Variants in DNAH6 observed in about 807,000 individuals in gnomAD.
DNAH6 encodes the protein dynein axonemal heavy chain 6.
DNAH6 carries 340 observed loss-of-function variants against 491.4 expected under a neutral mutation model. The ratio of observed to expected loss-of-function variants is 0.69; its 90% confidence interval spans 0.63 to 0.76. DNAH6 has a LOEUF of 0.76. Ranked by LOEUF, DNAH6 falls within the 30% of genes least tolerant of loss-of-function variation. The pLI is 0.00. For missense variants in DNAH6, 4,443 were observed against 4,972.2 expected, an observed-to-expected ratio of 0.89 and a Z score of 3.20; for synonymous variants, 1,603 against 1,686.1, an observed-to-expected ratio of 0.95 and a Z score of 1.21.
intron 41 of DNAH6, among the ~76,000 whole-genome samples, chr2:84,679,581 AC>A (rs1319236041): frequency 1.3e-5 from 2 of 152,258 alleles, no homozygotes; most frequent in East Asian, 3.9e-4. Context: ...AAACTAAGAA[AC>A]CTGGCTGCAT....
At chr2:84,683,346 A>C (rs1693970812) in intron 42 of DNAH6, among the ~76,000 whole-genome samples, 1 of 149,064 alleles carries the variant, frequency 6.7e-6, no homozygotes, top group Non-Finnish European at 1.5e-5. Flanking sequence ...ACTAACTCTT[A>C]GTTGCTCCAT....
At chr2:84,479,724 T>C in the DNAH6 span, among the ~76,000 whole-genome samples, 1 of 152,194 alleles carries the variant, frequency 6.6e-6, no homozygotes, top group Non-Finnish European at 1.5e-5. Context: ...CTGGGGCCTA[T>C]GGAGAAGAAA....
At chr2:84,682,000 T>TA (rs5832619) in intron 42 of DNAH6, among the ~76,000 whole-genome samples, 3 of 151,880 alleles carry the variant, frequency 2.0e-5, no homozygotes, top group African/African-American at 7.3e-5. Flanking sequence ...CCTCCCATCT[T>TA]AAAAAAAAAT....
intron 40 of DNAH6, among the ~76,000 whole-genome samples, chr2:84,676,469 G>A (rs1278040705): frequency 5.9e-5 from 9 of 152,216 alleles, no homozygotes; most frequent in African/African-American, 2.2e-4. Context: ...TAATAGTGCT[G>A]TGGTCCATGA....
chr2:84,672,532 A>G lies in DNAH6; in HGVS notation c.6612+48A>G, dbSNP rs1187836240. On this transcript the variant is annotated intron_variant, in intron 40 of 76. Transcript: ENST00000389394. Reference sequence around the variant, plus strand: ...TTGGTGTGCTTAAATTTAAATGACAAGGAAATATGATGTATAGTTTGTGAG... The same window carrying G: ...TTGGTGTGCTTAAATTTAAATGACAGGGAAATATGATGTATAGTTTGTGAG... 18 of 1,497,462 alleles carry G rather than the reference A, an allele frequency of 1.2e-5. No individual in the cohort carries two copies. In the Admixed American group the frequency reaches 3.7e-4, roughly 31 times the overall value. The allele number at this position is 1,497,462 out of a possible 1,614,324, so 92.8% of individuals were successfully genotyped here. A position where few individuals can be genotyped will look rare whatever the true frequency, so the allele number is the denominator to read the frequency against.
At chr2:84,655,962 C>T (rs998375984) in intron 35 of DNAH6, among the ~76,000 whole-genome samples, 1 of 152,112 alleles carries the variant, frequency 6.6e-6, no homozygotes. Flanking sequence ...TTCATCCCTA[C>T]TCCCCATCCT....
intron 64 of DNAH6, among the ~76,000 whole-genome samples, chr2:84,779,238 T>C (rs1676445661): frequency 1.3e-5 from 2 of 152,266 alleles, no homozygotes; most frequent in Non-Finnish European, 2.9e-5. Flanking sequence ...GTCAGTGGGA[T>C]CTTGAAGTAC....
At chr2:84,535,863 GGAA>G (rs1677643251) in intron 4 of DNAH6, among the ~76,000 whole-genome samples, 2 of 151,978 alleles carry the variant, frequency 1.3e-5, no homozygotes, top group South Asian at 4.1e-4. Context: ...TGAAATGTCT[GGAA>G]GAACTTTGTT....
intron 21 of DNAH6, among the ~76,000 whole-genome samples, chr2:84,607,648 T>TTA (rs1685904337): frequency 6.6e-6 from 1 of 152,188 alleles, no homozygotes; most frequent in African/African-American, 2.4e-5. Context: ...TAAGTTGAAA[T>TTA]TATTTTTTAA....
intron 12 of DNAH6, among the ~76,000 whole-genome samples, chr2:84,574,158 T>C (rs1682188817): frequency 6.6e-6 from 1 of 152,152 alleles, no homozygotes; most frequent in Non-Finnish European, 1.5e-5. Flanking sequence ...TTTGCTATTT[T>C]AAATCATGAT....
intron 63 of DNAH6, among the ~76,000 whole-genome samples, chr2:84,758,331 T>C (rs933034819): frequency 6.6e-6 from 1 of 152,178 alleles, no homozygotes; most frequent in African/African-American, 2.4e-5. Context: ...AAAAAGCAAA[T>C]GGTTTATATA....
At chr2:84,811,411 G>A (rs1003536325) in intron 72 of DNAH6, among the ~76,000 whole-genome samples, 1 of 152,236 alleles carries the variant, frequency 6.6e-6, no homozygotes. Flanking sequence ...GGCAAACATC[G>A]CCCTGTACTC....
At chr2:84,762,259 G>A (rs1674664339) in intron 63 of DNAH6, among the ~76,000 whole-genome samples, 1 of 152,216 alleles carries the variant, frequency 6.6e-6, no homozygotes, top group Non-Finnish European at 1.5e-5. Context: ...AAGTTGGCTT[G>A]TGAGTGCTTA....
the DNAH6 span, among the ~76,000 whole-genome samples, chr2:84,501,533 T>C: frequency 2.0e-5 from 3 of 150,738 alleles, no homozygotes; most frequent in Non-Finnish European, 2.9e-5. Flanking sequence ...AGTGTAATAC[T>C]GGCCTTGCAG....
intron 45 of DNAH6, 122 bp from the exon 46 acceptor site, chr2:84,694,127 T>C (rs1695149961): frequency 1.3e-6 from 1 of 792,610 alleles, no homozygotes; most frequent in African/African-American, 1.7e-5. Flanking sequence ...TGCTCTTCCC[T>C]TGCAGCATCC....
rs538002954 is a variant in DNAH6, at chr2:84,585,406, A to G, written c.2481+1156A>G. Among the ~76,000 whole-genome samples the G allele has an allele frequency of 2.8e-4, 42 of 152,292 alleles. No individual in the cohort carries two copies. The South Asian group carries it at 7.3e-3, about 26-fold the overall frequency. On this transcript the variant is annotated intron_variant, in intron 15 of 76. Transcript: ENST00000389394. The stretch of plus-strand genomic sequence containing the variant: ...CATCTAGGAAGAATGAGGTATGCAG[A>G]CAAGTGGAGGGTGAGCAAGATGAAG...
In DNAH6 at chr2:84,595,547, G is replaced by A. The variant is rs1684496510; in HGVS notation, c.2725-99G>A. 3.7e-6 allele frequency: 4 copies of A among 1,076,918 alleles called. No individual in the cohort carries two copies. In the Admixed American group the frequency reaches 8.7e-5, roughly 23 times the overall value. 66.7% of individuals were successfully genotyped at this position (1,076,918 alleles called of 1,614,324 possible). On this transcript the variant is annotated intron_variant, in intron 17 of 76. Coordinates refer to ENST00000389394, the MANE Select transcript of DNAH6 (RefSeq NM_001370.2). ...GTAAAGCCATTTCCAAAAGCATAGT[G>A]TAGATTTGGATTAACTTTTAAAAGT...
chr2:84,766,428 G>T (rs571303570), intron 64 of DNAH6, among the ~76,000 whole-genome samples: 1 of 152,108 alleles, frequency 6.6e-6, no homozygotes, highest in Non-Finnish European at 1.5e-5. Flanking sequence ...GCACATCCAT[G>T]TGTTAAAGGG....
chr2:84,688,040 G>T (rs1330835454), intron 44 of DNAH6, among the ~76,000 whole-genome samples: 1 of 152,016 alleles, frequency 6.6e-6, no homozygotes, highest in African/African-American at 2.4e-5. Flanking sequence ...CTCGAGATCA[G>T]CCTGGCCAAC....
Sources: gnomAD v4.1 joint callset for allele counts (sites outside exome capture counted in the v4.1 genomes callset) on GRCh38, gnomAD v4.1.1 for gene constraint, MANE v1.5 for transcripts, NCBI Gene and HGNC (gene_info 2026-07-23, HGNC 2026-07-21) for gene names.